Variants in AGTPBP1 observed in about 807,000 individuals in gnomAD.
The protein encoded by AGTPBP1 is cytosolic carboxypeptidase 1.
Under a neutral mutation model 143.9 loss-of-function variants are expected in AGTPBP1, and 70 were observed. The observed-to-expected ratio is 0.49, with a 90% CI of 0.40 to 0.59. The LOEUF (loss-of-function observed/expected upper bound fraction) is 0.59. Among genes scored for constraint, AGTPBP1 ranks in the 20% least tolerant of loss-of-function variants. The pLI is 0.00. For missense variants in AGTPBP1, 1,229 were observed against 1,464.5 expected (o/e 0.84, Z 2.62); for synonymous variants, 463 against 500.2 (o/e 0.93, Z 0.99).
chr9:85,740,706 G>C (rs1824197191), intron 1 of AGTPBP1, among the ~76,000 whole-genome samples: 1 of 152,192 alleles, frequency 6.6e-6, no homozygotes, highest in South Asian at 2.1e-4. Flanking sequence ...TAAAAGGTAA[G>C]TGAAAATGAC....
chr9:85,670,758 T>C (rs1367725808), intron 7 of AGTPBP1, among the ~76,000 whole-genome samples: 1 of 152,194 alleles, frequency 6.6e-6, no homozygotes, highest in Non-Finnish European at 1.5e-5. Flanking sequence ...GCTAGCCTTC[T>C]ATTGGTTAAT....
At chr9:85,642,526 G>T (rs2133820739) in intron 13 of AGTPBP1, among the ~76,000 whole-genome samples, 1 of 151,698 alleles carries the variant, frequency 6.6e-6, no homozygotes, top group Non-Finnish European at 1.5e-5. Context: ...TAGTGACGGG[G>T]TTTCACTCTG....
At chr9:85,704,857 T>C (rs1836883259) in intron 2 of AGTPBP1, among the ~76,000 whole-genome samples, 1 of 152,130 alleles carries the variant, frequency 6.6e-6, no homozygotes. Flanking sequence ...GCAAAACTAG[T>C]CACTTAAAAA....
intron 1 of AGTPBP1, among the ~76,000 whole-genome samples, chr9:85,739,932 G>C (rs1824125782): frequency 1.3e-5 from 2 of 151,890 alleles, no homozygotes; most frequent in South Asian, 4.1e-4. Context: ...GAACCCGGTA[G>C]GGGCAGGTTG....
chr9:85,644,144 G>C lies in AGTPBP1; in HGVS notation c.1186-1201C>G, dbSNP rs561521422. Among the ~76,000 whole-genome samples the C allele has an allele frequency of 3.0e-4, 46 of 151,848 alleles. 1 individual carries two copies. In the Middle Eastern group the frequency reaches 0.01, roughly 34 times the overall value. On this transcript the variant is annotated intron_variant, in intron 12 of 25. Transcript: ENST00000357081. ...TATTATTTACATAGCCAATGAAAAA[G>C]ATTTTCCTCATTGATATGCATAATA... is the stretch of plus-strand genomic sequence containing the variant.
intron 24 of AGTPBP1, among the ~76,000 whole-genome samples, chr9:85,575,989 C>T (rs1297783233): frequency 6.6e-6 from 1 of 152,136 alleles, no homozygotes; most frequent in African/African-American, 2.4e-5. Context: ...AGAATCAAAT[C>T]TAAGCCAATG....
chr9:85,696,739 C>G (rs923255276), intron 2 of AGTPBP1, among the ~76,000 whole-genome samples: 1 of 151,596 alleles, frequency 6.6e-6, no homozygotes, highest in African/African-American at 2.4e-5. Flanking sequence ...TTCCAAATGA[C>G]CAATGCATGG....
chr9:85,631,742 A>G (rs1313319667), intron 14 of AGTPBP1, among the ~76,000 whole-genome samples: 1 of 152,220 alleles, frequency 6.6e-6, no homozygotes, highest in East Asian at 1.9e-4. Context: ...CTTGTTTATT[A>G]CACACTATAC....
the AGTPBP1 span, among the ~76,000 whole-genome samples, chr9:85,777,926 G>A: frequency 3.9e-5 from 6 of 152,310 alleles, no homozygotes; most frequent in Non-Finnish European, 7.4e-5. Flanking sequence ...TCCTAGAAAG[G>A]GGCTGTAGTG....
intron 23 of AGTPBP1, among the ~76,000 whole-genome samples, chr9:85,582,366 G>A (rs910065046): frequency 6.6e-6 from 1 of 152,076 alleles, no homozygotes; most frequent in African/African-American, 2.4e-5. Flanking sequence ...GAAGAGTATT[G>A]ATTAGTTATT....
the AGTPBP1 span, chr9:85,753,369 T>C: frequency 4.3e-6 from 7 of 1,613,300 alleles, no homozygotes; most frequent in East Asian, 2.2e-5. Context: ...CCTTGATGCA[T>C]GTAACTTGAA....
intron 17 of AGTPBP1, among the ~76,000 whole-genome samples, chr9:85,613,459 C>T (rs1163510032): frequency 2.6e-5 from 4 of 151,954 alleles, no homozygotes; most frequent in African/African-American, 2.4e-5. Flanking sequence ...AGCAAATATA[C>T]ATATTGCAGA....
At chr9:85,687,914 AC>A (rs1178267015) in intron 3 of AGTPBP1, among the ~76,000 whole-genome samples, 21 of 151,476 alleles carry the variant, frequency 1.4e-4, no homozygotes, top group African/African-American at 4.9e-4. Context: ...ACACGGTGAA[AC>A]CCCGTCTCTA....
intron 6 of AGTPBP1, among the ~76,000 whole-genome samples, chr9:85,676,999 G>C (rs1025301810): frequency 2.6e-5 from 4 of 152,148 alleles, no homozygotes; most frequent in Non-Finnish European, 5.9e-5. Context: ...CTCATGAAAG[G>C]AGTGAATAGA....
chr9:85,668,885 A>C (rs1834291456), intron 8 of AGTPBP1, among the ~76,000 whole-genome samples: 1 of 151,160 alleles, frequency 6.6e-6, no homozygotes, highest in Non-Finnish European at 1.5e-5. Context: ...AAAATATTAA[A>C]CTGTAACCAA....
At chr9:85,760,300 G>T in the AGTPBP1 span, among the ~76,000 whole-genome samples, 1 of 152,076 alleles carries the variant, frequency 6.6e-6, no homozygotes, top group Admixed American at 6.5e-5. Flanking sequence ...ACCAAAGCCT[G>T]GCAGAGACAC....
At chr9:85,797,181 C>T in the AGTPBP1 span, among the ~76,000 whole-genome samples, 1 of 152,118 alleles carries the variant, frequency 6.6e-6, no homozygotes, top group East Asian at 1.9e-4. Flanking sequence ...TGCAGCGACG[C>T]GATGATAGCC....
intron 25 of AGTPBP1, among the ~76,000 whole-genome samples, chr9:85,571,448 T>C (rs1250862495): frequency 1.3e-5 from 2 of 152,120 alleles, no homozygotes; most frequent in Non-Finnish European, 2.9e-5. Flanking sequence ...ATGGCAGTAA[T>C]AGATTAAAAC....
intron 3 of AGTPBP1, among the ~76,000 whole-genome samples, chr9:85,690,656 T>C (rs376543562): frequency 3.3e-5 from 5 of 152,014 alleles, no homozygotes; most frequent in South Asian, 4.1e-4. Flanking sequence ...TTTTCAGTGG[T>C]GGGAAGAGGG....
Sources: allele counts gnomAD v4.1 joint callset (sites outside exome capture counted in the v4.1 genomes callset), GRCh38; gene constraint gnomAD v4.1.1; transcripts MANE v1.5; gene names NCBI Gene and HGNC (gene_info 2026-07-23, HGNC 2026-07-21).